The following ZNF276 variants were observed in gnomAD, a reference collection of about 807,000 sequenced individuals.
ZNF276 encodes zinc finger protein 276, also known as centromere protein Z.
ZNF276 carries 59 observed loss-of-function variants against 63.9 expected under a neutral mutation model. The observed-to-expected ratio is 0.92, with a 90% CI of 0.75 to 1.15. The LOEUF (loss-of-function observed/expected upper bound fraction) is 1.15. Among genes scored for constraint, ZNF276 ranks in the 50% most tolerant of loss-of-function variants. ZNF276 has a pLI of 0.00. For missense variants in ZNF276, 1,084 were observed against 843.8 expected (o/e 1.28, Z -3.53); for synonymous variants, 496 against 348.4 (o/e 1.42, Z -4.72).
intron 4 of ZNF276, among the ~76,000 whole-genome samples, chr16:89,724,724 G>A (rs187306033): frequency 6.6e-6 from 1 of 152,284 alleles, no homozygotes; most frequent in East Asian, 1.9e-4. Context: ...GGGGCCTCAG[G>A]TAGGAACGGG....
chr16:89,722,762 G>A lies in ZNF276; in HGVS notation c.437G>A (p.Cys146Tyr). ...AGCTGCCACGCCCAGTTCTACCAGTGCCACAGCCTTCTCAAGTCCTTCCTG... is the reference window on the plus strand; with the variant it reads ...AGCTGCCACGCCCAGTTCTACCAGTACCACAGCCTTCTCAAGTCCTTCCTG... Reference protein sequence around the residue: ...CKSCHAQFYQCHSLLKSFLQR... With the variant: ...CKSCHAQFYQYHSLLKSFLQR... The change falls in exon 2 of 11, where the codon TGC (cysteine) becomes TAC (tyrosine). Residue 146 changes from cysteine (C) to tyrosine (Y), a missense_variant. Cys to Tyr is a radical substitution (Grantham distance 194, BLOSUM62 -2). Coordinates refer to ENST00000443381, the MANE Select transcript of ZNF276 (RefSeq NM_001113525.2). The A allele has an allele frequency of 6.2e-7, 1 of 1,610,736 alleles. No homozygotes were observed. The highest frequency in any genetic ancestry group is 8.5e-7 in the Non-Finnish European group (1 of 1,180,012).
Position 89,740,474 on chromosome 16 carries a change from A to T in ZNF276, c.*2228A>T, listed in dbSNP as rs973610903. ...ATATGGTGAAACCCCGTCTCTACTA[A>T]AAATACAAAAATTAGCCGGGTGTGA... On this transcript the variant is annotated 3_prime_UTR_variant, in exon 11 of 11. Coordinates refer to ENST00000443381, the MANE Select transcript of ZNF276 (RefSeq NM_001113525.2). 2 of 462,032 alleles carry T rather than the reference A, an allele frequency of 4.3e-6. No homozygotes were observed. 28.6% of individuals were successfully genotyped at this position (462,032 alleles called of 1,614,324 possible).
chr16:89,727,763 C>T (rs2061513260), intron 5 of ZNF276, among the ~76,000 whole-genome samples: 1 of 152,232 alleles, frequency 6.6e-6, no homozygotes, highest in Admixed American at 6.5e-5. Flanking sequence ...GCTTCTGCTA[C>T]TGTTTTAGGG....
rs775351812 is a variant in ZNF276 at position 89,739,216 on chromosome 16, A to G, written c.*970A>G. On this transcript the variant is annotated 3_prime_UTR_variant, in exon 11 of 11. Coordinates refer to ENST00000443381, the MANE Select transcript of ZNF276 (RefSeq NM_001113525.2). ...GCCACGAAGAGCTGGACCAGCTTCA[A>G]GTACATGTCCACAGCAACATGCAGG... The G allele has an allele frequency of 4.3e-6, 7 of 1,614,046 alleles. No individual in the cohort carries two copies. Among genetic ancestry groups the G allele is most frequent in the Non-Finnish European group, 5.9e-6 (7 of 1,180,054 alleles).
At chr16:89,730,393 TTGC>T (rs1478709438) in intron 6 of ZNF276, among the ~76,000 whole-genome samples, 1 of 152,120 alleles carries the variant, frequency 6.6e-6, no homozygotes, top group Non-Finnish European at 1.5e-5. Context: ...TGTCTCTGGC[TTGC>T]TGCCCAGAAG....
In ZNF276 at chr16:89,723,585, A is replaced by C. The variant is rs1027055309; in HGVS notation, c.882A>C (p.Pro294=). 6.2e-7 allele frequency: 1 copy of C among 1,612,792 alleles called. No homozygotes were observed. The highest frequency in any genetic ancestry group is 8.5e-7 in the Non-Finnish European group (1 of 1,180,006). Residue 294 remains proline (P), a synonymous_variant, in exon 4 of 11, where the codon CCA becomes CCC. Transcript: ENST00000443381. ...QTSQGRGTGT[P]VGAETKTLPS... ...CCCAGGGTAGAGGGACAGGGACCCCAGTTGGGGCTGAGACCAAGACCCTGC... is the reference window on the plus strand; with the variant it reads ...CCCAGGGTAGAGGGACAGGGACCCCCGTTGGGGCTGAGACCAAGACCCTGC...
chr16:89,722,675 TC>T lies in ZNF276; in HGVS notation c.352del (p.Gln118SerfsTer71), dbSNP rs763084711. The T allele has an allele frequency of 8.1e-6, 13 of 1,612,262 alleles. No individual in the cohort carries two copies. The highest frequency in any genetic ancestry group is 1.3e-5 in the African/African-American group (1 of 74,946). On this transcript the variant is annotated frameshift_variant, in exon 2 of 11. Coordinates refer to ENST00000443381, the MANE Select transcript of ZNF276 (RefSeq NM_001113525.2). LOFTEE classifies it high-confidence loss of function. ...GAGGAGCGCGTGCTCGTACGGGACTTCCAGCGCCTGCTTGGTGTGGCTGTCC... is the reference window on the plus strand; with the variant it reads ...GAGGAGCGCGTGCTCGTACGGGACTTCAGCGCCTGCTTGGTGTGGCTGTCC... The part of the protein sequence containing the change: ...SAEERVLVRD[F>X]QRLLGVAVRQ...
At chr16:89,732,904 C>A (rs1018674286) in intron 6 of ZNF276, 1 of 295,606 alleles carries the variant, frequency 3.4e-6, no homozygotes, top group African/African-American at 2.4e-5. Context: ...GCGCCCTCGC[C>A]CTCTGCTGTG....
Position 89,731,275 on chromosome 16 carries a change from A to T in ZNF276, c.1169+1957A>T, listed in dbSNP as rs990123416. On this transcript the variant is annotated intron_variant, in intron 6 of 10. Transcript: ENST00000443381. ...AGTGCGTTTTTGTCTTGTTTCTGAG[A>T]TGGAGTCTTGCTCTGTTGCCCAGAC... 2.0e-5 allele frequency among the ~76,000 whole-genome samples: 3 copies of T among 152,206 alleles called. No individual in the cohort carries two copies. The South Asian group carries it at 6.2e-4, about 31-fold the overall frequency.
chr16:89,731,623 G>T (rs2061654757), intron 6 of ZNF276: 1 of 152,288 alleles, frequency 6.6e-6, no homozygotes. Context: ...GGGGTGCCCT[G>T]GCACGATCAT....
At chr16:89,733,201 AG>A (rs1229315510) in intron 6 of ZNF276, 100 bp from the exon 7 acceptor site, 1 of 1,118,402 alleles carries the variant, frequency 8.9e-7, no homozygotes, top group Non-Finnish European at 1.3e-6. Flanking sequence ...GAAGCAACTC[AG>A]GGAAGCTTCA....
chr16:89,736,593 T>C (rs1052452088), intron 9 of ZNF276, among the ~76,000 whole-genome samples: 2 of 151,916 alleles, frequency 1.3e-5, no homozygotes, highest in African/African-American at 4.8e-5. Flanking sequence ...TCCAAAGTGC[T>C]GGGATTGAGC....
rs751989527 is a variant in ZNF276 at position 89,738,720 on chromosome 16, G to A, written c.*474G>A. The A allele has an allele frequency of 1.4e-5, 23 of 1,613,568 alleles. No individual in the cohort carries two copies. In the South Asian group the frequency reaches 2.1e-4, roughly 15 times the overall value. Reference sequence around the variant, plus strand: ...CGATCAGCCAGCAGCTGTGAGAGAGGAGCAGGTCCTCAGCCCATGCCGCCC... The same window carrying A: ...CGATCAGCCAGCAGCTGTGAGAGAGAAGCAGGTCCTCAGCCCATGCCGCCC... On this transcript the variant is annotated 3_prime_UTR_variant, in exon 11 of 11. Coordinates refer to ENST00000443381, the MANE Select transcript of ZNF276 (RefSeq NM_001113525.2).
At chr16:89,723,977 C>T (rs115427958) in intron 4 of ZNF276, among the ~76,000 whole-genome samples, 386 of 152,352 alleles carry the variant, frequency 2.5e-3, no homozygotes, top group African/African-American at 8.8e-3. Flanking sequence ...GCCGTCGAGT[C>T]TTTTTCTAAG....
Position 89,721,788 on chromosome 16 carries a change from G to C in ZNF276, c.148G>C (p.Ala50Pro). 4.0e-6 allele frequency: 5 copies of C among 1,259,440 alleles called. No homozygotes were observed. Among genetic ancestry groups the C allele is most frequent in the Non-Finnish European group, 5.0e-6 (5 of 1,003,092 alleles). 78.0% of individuals were successfully genotyped at this position (1,259,440 alleles called of 1,614,324 possible). A position where few individuals can be genotyped will look rare whatever the true frequency, so the allele number is the denominator to read the frequency against. The change falls in exon 1 of 11, where the codon GCC (alanine) becomes CCC (proline). Residue 50 changes from alanine to proline, a missense_variant. By Grantham distance (27) the Ala-to-Pro change is conservative. Coordinates refer to ENST00000443381, the MANE Select transcript of ZNF276 (RefSeq NM_001113525.2). Reference protein sequence around the residue: ...PRVDGATARRAWGPVGSCGDA... With the variant: ...PRVDGATARRPWGPVGSCGDA... ...GGTGGACGGGGCGACGGCGCGGCGC[G>C]CCTGGGGCCCGGTGGGGTCCTGCGG...
chr16:89,740,389 C>T lies in ZNF276; in HGVS notation c.*2143C>T. 1 of 495,634 alleles carries T rather than the reference C, an allele frequency of 2.0e-6. No homozygotes were observed. The highest frequency in any genetic ancestry group is 3.6e-5 in the East Asian group (1 of 27,904). The allele number at this position is 495,634 out of a possible 1,614,324, so 30.7% of individuals were successfully genotyped here. On this transcript the variant is annotated 3_prime_UTR_variant, in exon 11 of 11. Transcript: ENST00000443381. ...ATGCAGTGGCTCATGCCTGTAATCC[C>T]AACACTTTGGGAGGCCGAGGTCGGC...
chr16:89,729,363 C>G, intron 6 of ZNF276, 45 bp downstream of exon 6: 2 of 1,551,766 alleles, frequency 1.3e-6, no homozygotes, highest in Non-Finnish European at 1.8e-6. Flanking sequence ...CGTTGGGCGA[C>G]CTAGACACCC....
At chr16:89,723,771 T>G in intron 4 of ZNF276, 62 bp downstream of exon 4, 1 of 1,500,748 alleles carries the variant, frequency 6.7e-7, no homozygotes, top group Non-Finnish European at 9.0e-7. Context: ...GGCAGGGTTT[T>G]CAGCAGAAAG....
intron 4 of ZNF276, among the ~76,000 whole-genome samples, chr16:89,724,816 A>G (rs1597972436): frequency 7.4e-6 from 1 of 135,322 alleles, no homozygotes; most frequent in African/African-American, 2.5e-5. Flanking sequence ...CTATCTGTGT[A>G]TCTATCTACC....
Sources: allele counts gnomAD v4.1 joint callset (sites outside exome capture counted in the v4.1 genomes callset), GRCh38; gene constraint gnomAD v4.1.1; transcripts MANE v1.5; gene names NCBI Gene and HGNC (gene_info 2026-07-23, HGNC 2026-07-21).